SEMA3E: variants seen among roughly 807,000 people sequenced by gnomAD.
The protein encoded by SEMA3E is semaphorin 3E, also known as semaphorin-3E.
In SEMA3E, 49 loss-of-function variants were observed where a neutral mutation model predicts 93.6. The ratio of observed to expected loss-of-function variants is 0.52; its 90% CI spans 0.42 to 0.66. SEMA3E has a LOEUF of 0.66. SEMA3E is among the 30% of genes least tolerant of loss of function. The pLI, the probability that SEMA3E is intolerant of heterozygous loss-of-function variation, is 0.00. For synonymous variants in SEMA3E, 363 were observed against 330.7 expected (o/e 1.10, Z -1.06); for missense variants, 906 against 964.8 (o/e 0.94, Z 0.81).
At position 83,392,427 on chromosome 7, in the gene SEMA3E, A is replaced by G. The variant is rs1007886600; in HGVS notation, c.1667+128T>C. 4 of 1,029,540 alleles carry G rather than the reference A, an allele frequency of 3.9e-6. No homozygotes were observed. The African/African-American group carries it at 6.5e-5, about 17-fold the overall frequency. 63.8% of individuals were successfully genotyped at this position (1,029,540 alleles called of 1,614,324 possible). Reference sequence around the variant, plus strand: ...AAAATAAAAGGTCAACAGCATGTTCAGTGCCAGTCTCTGTACACAATAATT... The same window carrying G: ...AAAATAAAAGGTCAACAGCATGTTCGGTGCCAGTCTCTGTACACAATAATT... On this transcript the variant is annotated intron_variant, in intron 14 of 16. Transcript: ENST00000643230.
intron 4 of SEMA3E, among the ~76,000 whole-genome samples, chr7:83,436,048 T>C (rs1450152280): frequency 6.6e-6 from 1 of 152,090 alleles, no homozygotes; most frequent in Admixed American, 6.5e-5. Flanking sequence ...GATTTAATTG[T>C]TTATGTGGGG....
intron 4 of SEMA3E, among the ~76,000 whole-genome samples, chr7:83,433,463 C>T (rs1281069808): frequency 1.3e-5 from 2 of 152,068 alleles, no homozygotes; most frequent in Admixed American, 1.3e-4. Flanking sequence ...TTATGACAAG[C>T]TCCTAACTAA....
At chr7:83,492,151 A>G (rs1790398868) in intron 1 of SEMA3E, among the ~76,000 whole-genome samples, 1 of 152,146 alleles carries the variant, frequency 6.6e-6, no homozygotes, top group South Asian at 2.1e-4. Flanking sequence ...ACTAGCTTGA[A>G]TAGGTTCCTA....
intron 4 of SEMA3E, among the ~76,000 whole-genome samples, chr7:83,427,210 TTTTTC>T (rs1788791153): frequency 2.0e-5 from 3 of 151,992 alleles, no homozygotes; most frequent in Admixed American, 1.3e-4. Flanking sequence ...CTTTTTTTCT[TTTTTC>T]TTTCTTTCTT....
intron 1 of SEMA3E, among the ~76,000 whole-genome samples, chr7:83,538,076 T>C (rs1197888740): frequency 1.3e-5 from 2 of 152,324 alleles, no homozygotes; most frequent in Non-Finnish European, 2.9e-5. Flanking sequence ...TGTATGGATA[T>C]ACCATGGTTT....
At chr7:83,581,192 C>T (rs1562841959) in intron 1 of SEMA3E, among the ~76,000 whole-genome samples, 1 of 151,982 alleles carries the variant, frequency 6.6e-6, no homozygotes, top group Non-Finnish European at 1.5e-5. Flanking sequence ...ATATCCTTAA[C>T]TCCTCATAGG....
intron 4 of SEMA3E, among the ~76,000 whole-genome samples, chr7:83,446,434 A>C (rs771797145): frequency 1.3e-5 from 2 of 152,212 alleles, no homozygotes; most frequent in Non-Finnish European, 2.9e-5. Flanking sequence ...ATACACAAAG[A>C]ACCAAGTAGT....
At position 83,613,853 on chromosome 7, in the gene SEMA3E, C is replaced by T. The variant is rs1793314241; in HGVS notation, c.115+34575G>A. On this transcript the variant is annotated intron_variant, in intron 1 of 16. Coordinates refer to ENST00000643230, the MANE Select transcript of SEMA3E (RefSeq NM_012431.3). Reference sequence around the variant, plus strand: ...TCCCTATTAAAGAGTAAAAAATGTACATTTCCTTATATTTATTTAACAAAA... The same window carrying T: ...TCCCTATTAAAGAGTAAAAAATGTATATTTCCTTATATTTATTTAACAAAA... Among the ~76,000 whole-genome samples, 5 of 152,012 alleles carry T rather than the reference C, an allele frequency of 3.3e-5. 1 individual carries two copies. The South Asian group carries it at 1.0e-3, about 32-fold the overall frequency.
chr7:83,648,209 A>G (rs1794105083), intron 1 of SEMA3E, among the ~76,000 whole-genome samples: 2 of 152,054 alleles, frequency 1.3e-5, no homozygotes, highest in South Asian at 4.1e-4. Flanking sequence ...AACATCTCTA[A>G]GTTGACATGT....
intron 1 of SEMA3E, among the ~76,000 whole-genome samples, chr7:83,581,616 A>G (rs1455465841): frequency 6.6e-6 from 1 of 152,046 alleles, no homozygotes; most frequent in Non-Finnish European, 1.5e-5. Context: ...GCAATTTTGC[A>G]AACATCAGTA....
intron 4 of SEMA3E, among the ~76,000 whole-genome samples, chr7:83,465,748 T>A (rs2722994): frequency 0.43 from 65,149 of 151,970 alleles, 15,830 homozygotes; most frequent in East Asian, 0.66. Context: ...ATGAGTATAT[T>A]GTTTCATATG....
chr7:83,449,762 A>C (rs975591135), intron 4 of SEMA3E, among the ~76,000 whole-genome samples: 3 of 152,128 alleles, frequency 2.0e-5, no homozygotes, highest in African/African-American at 7.2e-5. Context: ...TACATTATAC[A>C]CATATAAATC....
At chr7:83,453,244 G>T (rs1789401124) in intron 4 of SEMA3E, among the ~76,000 whole-genome samples, 2 of 151,946 alleles carry the variant, frequency 1.3e-5, no homozygotes, top group African/African-American at 4.8e-5. Flanking sequence ...TGGCGAGGCT[G>T]GTCTTGAACT....
At chr7:83,508,898 A>G (rs549156993) in intron 1 of SEMA3E, among the ~76,000 whole-genome samples, 1 of 152,302 alleles carries the variant, frequency 6.6e-6, no homozygotes, top group South Asian at 2.1e-4. Context: ...AGACAAAAAC[A>G]TACTTTTTGA....
intron 1 of SEMA3E, among the ~76,000 whole-genome samples, chr7:83,511,184 G>A (rs1173778136): frequency 1.3e-5 from 2 of 151,810 alleles, no homozygotes; most frequent in Non-Finnish European, 2.9e-5. Context: ...AAGACTTCCA[G>A]CCATATTTAA....
At chr7:83,383,794 A>G (rs1787829469) in intron 16 of SEMA3E, among the ~76,000 whole-genome samples, 1 of 151,990 alleles carries the variant, frequency 6.6e-6, no homozygotes, top group Non-Finnish European at 1.5e-5. Context: ...TAGAAACAGA[A>G]CATACTGAGT....
chr7:83,574,524 T>A (rs898118773), intron 1 of SEMA3E, among the ~76,000 whole-genome samples: 1 of 150,422 alleles, frequency 6.6e-6, no homozygotes, highest in African/African-American at 2.5e-5. Context: ...ATAATTCAGT[T>A]CCTGGTATCT....
chr7:83,446,687 A>G (rs894155552), intron 4 of SEMA3E, among the ~76,000 whole-genome samples: 3 of 152,214 alleles, frequency 2.0e-5, no homozygotes, highest in African/African-American at 7.2e-5. Context: ...AAGTGCATCA[A>G]TATAGTATGT....
At chr7:83,597,773 G>A (rs1397203359) in intron 1 of SEMA3E, among the ~76,000 whole-genome samples, 1 of 152,114 alleles carries the variant, frequency 6.6e-6, no homozygotes, top group African/African-American at 2.4e-5. Flanking sequence ...CTGGAGCCAA[G>A]TCATTGCAAT....
Sources: allele counts gnomAD v4.1 joint callset (sites outside exome capture counted in the v4.1 genomes callset), GRCh38; gene constraint gnomAD v4.1.1; transcripts MANE v1.5; gene names NCBI Gene and HGNC (gene_info 2026-07-23, HGNC 2026-07-21).